ZFYVE16: variants seen among roughly 807,000 people sequenced by gnomAD.
ZFYVE16 encodes the protein zinc finger FYVE-type containing 16.
A neutral mutation model predicts 138.1 loss-of-function variants in ZFYVE16; 89 were observed. That is an observed-to-expected ratio of 0.64 (90% CI 0.54 to 0.77). The LOEUF (loss-of-function observed/expected upper bound fraction) is 0.77. Ranked by LOEUF, ZFYVE16 falls within the 30% of genes least tolerant of loss-of-function variation. The probability of loss-of-function intolerance (pLI) is 0.00; values close to 1 mark genes in which losing one functional copy is unlikely to be tolerated. For synonymous variants in ZFYVE16, 596 were observed against 618.3 expected (o/e 0.96, Z 0.53); for missense variants, 1,793 against 1,786.7 (o/e 1.00, Z -0.06).
rs192068333 is a variant in ZFYVE16, at chr5:80,428,582, G to A, written c.-40+1037G>A. Reference sequence around the variant, plus strand: ...CCCCAAAGGAACGCAGTTCCTCACCGGCAATGGAACAAAGCTGGACAGAGA... The same window carrying A: ...CCCCAAAGGAACGCAGTTCCTCACCAGCAATGGAACAAAGCTGGACAGAGA... On this transcript the variant is annotated intron_variant, in intron 2 of 18. Coordinates refer to ENST00000505560, the MANE Select transcript of ZFYVE16 (RefSeq NM_001284236.3). Among the ~76,000 whole-genome samples the A allele has an allele frequency of 6.2e-3, 944 of 152,256 alleles. 9 individuals carry two copies. The highest frequency in any genetic ancestry group is 0.021 in the African/African-American group (872 of 41,548).
chr5:80,450,779 T>G (rs1751903636), intron 10 of ZFYVE16, among the ~76,000 whole-genome samples, 193 bp downstream of exon 10: 1 of 152,102 alleles, frequency 6.6e-6, no homozygotes, highest in Non-Finnish European at 1.5e-5. Flanking sequence ...ATGCAGATTT[T>G]TGTATTTTAA....
chr5:80,428,901 A>G (rs542519242), intron 2 of ZFYVE16, among the ~76,000 whole-genome samples: 1 of 152,366 alleles, frequency 6.6e-6, no homozygotes, highest in Non-Finnish European at 1.5e-5. Flanking sequence ...AGAGAAGTTT[A>G]GAGAAAAAAG....
Position 80,437,281 on chromosome 5 carries a change from G to A in ZFYVE16, c.596G>A (p.Arg199Lys), listed in dbSNP as rs1419489160. The stretch of plus-strand genomic sequence containing the variant: ...GATATCAGTTCTGAATTACAAAATA[G>A]AGAAATCGGAGGAATCAAAGAATTG... ...QNDISSELQNREIGGIKELGI... is the reference protein window; with the variant it reads ...QNDISSELQNKEIGGIKELGI... The change falls in exon 4 of 19, where the codon AGA becomes AAA. Residue 199 changes from arginine to lysine, a missense_variant. Physicochemically the swap from Arg to Lys is conservative, Grantham distance 26. Transcript: ENST00000505560. 4 of 1,609,810 alleles carry A rather than the reference G, an allele frequency of 2.5e-6. No individual in the cohort carries two copies. The highest frequency in any genetic ancestry group is 1.7e-5 in the Admixed American group (1 of 59,258).
At position 80,421,922 on chromosome 5, in the gene ZFYVE16, C is replaced by T. The variant is rs147160030; in HGVS notation, c.-93-5570C>T. Reference sequence around the variant, plus strand: ...TTTTCATGATATTGATTCTTCCTATCCAAGAGCATAGAATGTTCTTGCATT... The same window carrying T: ...TTTTCATGATATTGATTCTTCCTATTCAAGAGCATAGAATGTTCTTGCATT... On this transcript the variant is annotated intron_variant, in intron 1 of 18. Coordinates refer to ENST00000505560, the MANE Select transcript of ZFYVE16 (RefSeq NM_001284236.3). Among the ~76,000 whole-genome samples, 512 of 152,268 alleles carry T rather than the reference C, an allele frequency of 3.4e-3. 2 individuals carry two copies. Among genetic ancestry groups the T allele is most frequent in the Middle Eastern group, 0.01 (3 of 294 alleles).
intron 4 of ZFYVE16, among the ~76,000 whole-genome samples, chr5:80,439,231 A>G (rs1750376916): frequency 6.6e-6 from 1 of 152,186 alleles, no homozygotes; most frequent in African/African-American, 2.4e-5. Flanking sequence ...ACATGCTGGG[A>G]AATGAGAAAC....
intron 15 of ZFYVE16, among the ~76,000 whole-genome samples, chr5:80,465,400 G>GTTTTTTTTTTTTTTCTTTTTTTTTTT (rs1753604325): frequency 7.5e-5 from 2 of 26,780 alleles, no homozygotes; most frequent in Non-Finnish European, 1.5e-4. Flanking sequence ...CCTTTTCTTT[G>GTTTTTTTTTTTTTTCTTTTTTTTTTT]TTTTTTTTTT....
chr5:80,475,864 G>A (rs577214340), intron 18 of ZFYVE16, among the ~76,000 whole-genome samples: 2 of 152,036 alleles, frequency 1.3e-5, no homozygotes, highest in African/African-American at 4.8e-5. Flanking sequence ...GAGTATATAC[G>A]CAATAGATAT....
intron 15 of ZFYVE16, among the ~76,000 whole-genome samples, chr5:80,468,658 T>C (rs1307379876): frequency 1.3e-5 from 2 of 152,232 alleles, no homozygotes; most frequent in Admixed American, 6.5e-5. Context: ...ATTTTCTTGA[T>C]TTATTCCTTT....
At chr5:80,476,932 T>G (rs1754967591) in intron 18 of ZFYVE16, among the ~76,000 whole-genome samples, 1 of 152,190 alleles carries the variant, frequency 6.6e-6, no homozygotes, top group African/African-American at 2.4e-5. Flanking sequence ...ATGTCGGCAG[T>G]TATTCAAAGC....
At chr5:80,439,910 CAA>C (rs1208723629) in intron 4 of ZFYVE16, 24 bp from the exon 5 acceptor site, 3 of 1,583,850 alleles carry the variant, frequency 1.9e-6, no homozygotes, top group African/African-American at 1.4e-5. Flanking sequence ...GAAACAAAGA[CAA>C]ATTTGATATT....
rs1257235361 is a variant in ZFYVE16, at chr5:80,481,937, AG to A, written c.*4561del. 6.6e-6 allele frequency among the ~76,000 whole-genome samples: 1 copy of A among 152,166 alleles called. No homozygotes were observed. Among genetic ancestry groups the A allele is most frequent in the Non-Finnish European group, 1.5e-5 (1 of 68,040 alleles). On this transcript the variant is annotated 3_prime_UTR_variant, in exon 19 of 19. Coordinates refer to ENST00000505560, the MANE Select transcript of ZFYVE16 (RefSeq NM_001284236.3). The stretch of plus-strand genomic sequence containing the variant: ...AGGGTGCAAGTGATTCTCCTGTCTC[AG>A]CCTCCTGAGTAGCTGTGACTACAGG...
chr5:80,450,326 G>A, intron 9 of ZFYVE16, 105 bp from the exon 10 acceptor site: 2 of 1,122,724 alleles, frequency 1.8e-6, no homozygotes. Context: ...AGAACTTTGG[G>A]AACACAAGGA....
At chr5:80,435,379 G>A (rs993513283) in intron 3 of ZFYVE16, among the ~76,000 whole-genome samples, 3 of 152,082 alleles carry the variant, frequency 2.0e-5, no homozygotes, top group Admixed American at 6.6e-5. Context: ...ATGTTGGCCA[G>A]GCTAGTCTTA....
At chr5:80,440,728 T>A (rs1360670145) in intron 5 of ZFYVE16, 1 of 983,700 alleles carries the variant, frequency 1.0e-6, no homozygotes, top group Non-Finnish European at 1.2e-6. Context: ...CAAGTCCATG[T>A]TTATTCTTTT....
At chr5:80,469,285 T>A (rs1172750437) in intron 15 of ZFYVE16, among the ~76,000 whole-genome samples, 1 of 151,958 alleles carries the variant, frequency 6.6e-6, no homozygotes, top group Non-Finnish European at 1.5e-5. Flanking sequence ...TGTTGTTTTC[T>A]TGTAGAGACA....
At position 80,445,380 on chromosome 5, in the gene ZFYVE16, G is replaced by A. The variant is rs1217492126; in HGVS notation, c.2699G>A (p.Ser900Asn). 17 of 1,613,676 alleles carry A rather than the reference G, an allele frequency of 1.1e-5. No homozygotes were observed. Among genetic ancestry groups the A allele is most frequent in the Non-Finnish European group, 1.4e-5 (16 of 1,179,876 alleles). ...AGTAAAAGATGTTCTGAAGACTTTAGTCCTCTCTCACCTGATGTGCCTATG... is the reference window on the plus strand; with the variant it reads ...AGTAAAAGATGTTCTGAAGACTTTAATCCTCTCTCACCTGATGTGCCTATG... Reference protein sequence around the residue: ...SGSKRCSEDFSPLSPDVPMTV... With the variant: ...SGSKRCSEDFNPLSPDVPMTV... The change falls in exon 7 of 19, where the codon AGT becomes AAT. Residue 900 changes from serine (S) to asparagine (N), a missense_variant. Ser to Asn is a conservative substitution (Grantham distance 46). This residue lies in a region of ZFYVE16 where 1,295 missense variants were observed against 1,204.3 expected (regional missense o/e 1.08). Coordinates refer to ENST00000505560, the MANE Select transcript of ZFYVE16 (RefSeq NM_001284236.3).
At position 80,479,253 on chromosome 5, in the gene ZFYVE16, C is replaced by T. The variant is rs1755167697; in HGVS notation, c.*1876C>T. On this transcript the variant is annotated 3_prime_UTR_variant, in exon 19 of 19. Transcript: ENST00000505560. Reference sequence around the variant, plus strand: ...AGAAGAAATAGAATGGTTCTTTGTACTCAGTCTGCAATGATCTATTTTTGG... The same window carrying T: ...AGAAGAAATAGAATGGTTCTTTGTATTCAGTCTGCAATGATCTATTTTTGG... The T allele has an allele frequency of 6.6e-6, 1 of 152,110 alleles. No homozygotes were observed. Among genetic ancestry groups the T allele is most frequent in the South Asian group, 2.1e-4 (1 of 4,832 alleles). The allele number at this position is 152,110 out of a possible 1,614,324, so 9.4% of individuals were successfully genotyped here. A position where few individuals can be genotyped will look rare whatever the true frequency, so the allele number is the denominator to read the frequency against.
At chr5:80,446,134 T>A (rs1751322766) in intron 7 of ZFYVE16, among the ~76,000 whole-genome samples, 1 of 151,934 alleles carries the variant, frequency 6.6e-6, no homozygotes, top group Non-Finnish European at 1.5e-5. Flanking sequence ...GACCTCAAGT[T>A]ATCTGCCCAT....
At chr5:80,439,419 T>C (rs1042279685) in intron 4 of ZFYVE16, among the ~76,000 whole-genome samples, 17 of 152,142 alleles carry the variant, frequency 1.1e-4, no homozygotes, top group African/African-American at 3.1e-4. Context: ...CCAGAGCAAA[T>C]TGGCTTCCAC....
Sources: allele counts gnomAD v4.1 joint callset (sites outside exome capture counted in the v4.1 genomes callset), GRCh38; gene constraint gnomAD v4.1.1; regional missense constraint gnomAD v4.1.1; transcripts MANE v1.5; gene names NCBI Gene and HGNC (gene_info 2026-07-23, HGNC 2026-07-21).